The following KATNIP variants were observed in gnomAD, a reference collection of about 807,000 sequenced individuals.
The protein encoded by KATNIP is katanin-interacting protein.
Under a neutral mutation model 174.0 loss-of-function variants are expected in KATNIP, and 126 were observed. That is an observed-to-expected ratio of 0.72 (90% confidence interval 0.63 to 0.84). KATNIP has a LOEUF of 0.84. KATNIP is among the 40% of genes least tolerant of loss of function. The pLI is 0.00. For missense variants in KATNIP, 1,958 were observed against 2,109.7 expected (o/e 0.93, Z 1.41); for synonymous variants, 810 against 835.7 (o/e 0.97, Z 0.53).
intron 20 of KATNIP, among the ~76,000 whole-genome samples, chr16:27,767,820 C>T (rs999896183): frequency 2.0e-5 from 3 of 152,226 alleles, no homozygotes; most frequent in African/African-American, 7.2e-5. Flanking sequence ...TCTGAGCAGG[C>T]CGGTCACAGA....
intron 2 of KATNIP, among the ~76,000 whole-genome samples, chr16:27,602,573 CAG>C (rs1352298440): frequency 2.0e-5 from 3 of 152,218 alleles, no homozygotes; most frequent in African/African-American, 4.8e-5. Flanking sequence ...TTTATCAAAA[CAG>C]GGGACTTCAA....
chr16:27,586,510 A>G (rs1450860519), intron 2 of KATNIP, among the ~76,000 whole-genome samples: 6 of 151,788 alleles, frequency 4.0e-5, no homozygotes, highest in Admixed American at 3.9e-4. Context: ...CTTCCTCCCC[A>G]CCACCACTAT....
chr16:27,712,006 C>T (rs530399303), intron 13 of KATNIP, among the ~76,000 whole-genome samples: 1 of 152,166 alleles, frequency 6.6e-6, no homozygotes, highest in Non-Finnish European at 1.5e-5. Flanking sequence ...CCCACTCTTG[C>T]AGAAAGCAGT....
At chr16:27,617,341 C>T (rs2076071073) in intron 2 of KATNIP, among the ~76,000 whole-genome samples, 2 of 152,148 alleles carry the variant, frequency 1.3e-5, no homozygotes, top group African/African-American at 4.8e-5. Context: ...GGTTCCAGGC[C>T]TGCTTCTCAT....
rs540737518 is a variant in KATNIP at position 27,751,437 on chromosome 16, C to T, written c.3347-282C>T. On this transcript the variant is annotated intron_variant, in intron 16 of 27. Transcript: ENST00000261588. ...CAAGATCTGGGTGGGGTACCAACAGCGTCTTGCATAGTGCCTTGCCCACCC... is the reference window on the plus strand; with the variant it reads ...CAAGATCTGGGTGGGGTACCAACAGTGTCTTGCATAGTGCCTTGCCCACCC... Among the ~76,000 whole-genome samples the T allele has an allele frequency of 1.1e-4, 17 of 152,236 alleles. No homozygotes were observed. The East Asian group carries it at 1.2e-3, about 10-fold the overall frequency.
At chr16:27,630,419 AAAC>A (rs2076450267) in intron 4 of KATNIP, among the ~76,000 whole-genome samples, 1 of 152,250 alleles carries the variant, frequency 6.6e-6, no homozygotes, top group South Asian at 2.1e-4. Context: ...GTAAAAGTCA[AAAC>A]AACAACAAAA....
chr16:27,648,790 T>C, intron 6 of KATNIP, 55 bp downstream of exon 6: 3 of 1,584,550 alleles, frequency 1.9e-6, no homozygotes, highest in Non-Finnish European at 2.6e-6. Flanking sequence ...CGAGGCTCGG[T>C]GCTGCAGTGG....
At chr16:27,558,970 G>A (rs553978759) in intron 1 of KATNIP, among the ~76,000 whole-genome samples, 2 of 152,188 alleles carry the variant, frequency 1.3e-5, no homozygotes, top group African/African-American at 2.4e-5. Flanking sequence ...CTCACACCTG[G>A]AGAGTGAGTC....
chr16:27,737,207 G>A (rs555766230), intron 14 of KATNIP, among the ~76,000 whole-genome samples: 10 of 152,042 alleles, frequency 6.6e-5, no homozygotes, highest in East Asian at 1.9e-4. Context: ...GTGAGACCCC[G>A]TCTCTACAAA....
At chr16:27,746,709 G>T (rs1315897873) in intron 15 of KATNIP, among the ~76,000 whole-genome samples, 1 of 152,218 alleles carries the variant, frequency 6.6e-6, no homozygotes, top group African/African-American at 2.4e-5. Flanking sequence ...TCCTGGCAGG[G>T]GTGCAGCAAG....
At chr16:27,607,422 A>G (rs1596898356) in intron 2 of KATNIP, among the ~76,000 whole-genome samples, 1 of 152,138 alleles carries the variant, frequency 6.6e-6, no homozygotes, top group African/African-American at 2.4e-5. Context: ...CACAGACAGC[A>G]CTGATAAACA....
chr16:27,622,333 A>G (rs2076220323), intron 3 of KATNIP, among the ~76,000 whole-genome samples: 1 of 152,108 alleles, frequency 6.6e-6, no homozygotes. Context: ...AGGGGGACAG[A>G]GTCTGGAGAT....
chr16:27,746,119 C>T (rs539765357), intron 15 of KATNIP, among the ~76,000 whole-genome samples: 9 of 152,028 alleles, frequency 5.9e-5, no homozygotes, highest in South Asian at 4.1e-4. Flanking sequence ...CGTGAGCCAC[C>T]GTGCCCGGCC....
intron 13 of KATNIP, among the ~76,000 whole-genome samples, chr16:27,720,154 G>C (rs148503779): frequency 6.6e-6 from 1 of 151,996 alleles, no homozygotes; most frequent in Non-Finnish European, 1.5e-5. Flanking sequence ...TCAATGGCAC[G>C]ATCTCAGCCC....
intron 2 of KATNIP, among the ~76,000 whole-genome samples, chr16:27,575,039 A>G (rs938158777): frequency 6.6e-6 from 1 of 152,222 alleles, no homozygotes. Context: ...CTAGAGGTTA[A>G]GTGAAACACA....
At chr16:27,605,076 G>T (rs1033116024) in intron 2 of KATNIP, among the ~76,000 whole-genome samples, 2 of 152,054 alleles carry the variant, frequency 1.3e-5, no homozygotes, top group Non-Finnish European at 2.9e-5. Context: ...TTACAGGCAT[G>T]TGCCACCATG....
intron 3 of KATNIP, among the ~76,000 whole-genome samples, chr16:27,621,114 A>G (rs8061973): frequency 0.78 from 118,565 of 151,878 alleles, 47,133 homozygotes; most frequent in South Asian, 0.91. Flanking sequence ...CGTCTCTAAA[A>G]TATTTTTTTT....
chr16:27,703,580 G>A (rs954446239), intron 11 of KATNIP, among the ~76,000 whole-genome samples: 12 of 152,268 alleles, frequency 7.9e-5, no homozygotes, highest in East Asian at 1.9e-4. Flanking sequence ...AACAGGTCAC[G>A]GGCTGGATTT....
chr16:27,723,624 GATGA>G (rs976709636), intron 14 of KATNIP, among the ~76,000 whole-genome samples: 1 of 151,754 alleles, frequency 6.6e-6, no homozygotes, highest in Non-Finnish European at 1.5e-5. Context: ...ATACGTGGTT[GATGA>G]ATGAATGAAT....
Sources: allele counts gnomAD v4.1 joint callset (sites outside exome capture counted in the v4.1 genomes callset), GRCh38; gene constraint gnomAD v4.1.1; transcripts MANE v1.5; gene names NCBI Gene and HGNC (gene_info 2026-07-23, HGNC 2026-07-21).